The following EGFLAM variants were observed in gnomAD, a reference collection of about 807,000 sequenced individuals.
EGFLAM encodes pikachurin.
A neutral mutation model predicts 113.1 loss-of-function variants in EGFLAM; 79 were observed. That is an observed-to-expected ratio of 0.70 (90% CI 0.58 to 0.84). EGFLAM has a LOEUF of 0.84. EGFLAM is among the 40% of genes least tolerant of loss of function. The probability of loss-of-function intolerance (pLI) is 0.00; values close to 1 mark genes in which losing one functional copy is unlikely to be tolerated. For synonymous variants in EGFLAM, 504 were observed against 487.6 expected, an observed-to-expected ratio of 1.03 and a Z score of -0.44; for missense variants, 1,265 against 1,291.6, an observed-to-expected ratio of 0.98 and a Z score of 0.32.
chr5:38,267,848 T>G (rs16903912), intron 1 of EGFLAM, among the ~76,000 whole-genome samples: 1,700 of 152,342 alleles, frequency 0.011, 34 homozygotes, highest in African/African-American at 0.039. Flanking sequence ...TTATCAGATA[T>G]TCACGCTAGA....
chr5:38,260,106 T>G (rs1050117582), intron 1 of EGFLAM, among the ~76,000 whole-genome samples: 1 of 152,238 alleles, frequency 6.6e-6, no homozygotes, highest in Non-Finnish European at 1.5e-5. Flanking sequence ...CAATTCATTT[T>G]GGAGATAATA....
intron 5 of EGFLAM, among the ~76,000 whole-genome samples, chr5:38,353,277 T>G (rs1267043407): frequency 6.6e-6 from 1 of 152,238 alleles, no homozygotes; most frequent in Admixed American, 6.5e-5. Flanking sequence ...ATTCCCAATC[T>G]AAGATATTTC....
At chr5:38,383,591 T>C (rs1740573810) in intron 6 of EGFLAM, among the ~76,000 whole-genome samples, 1 of 152,104 alleles carries the variant, frequency 6.6e-6, no homozygotes. Context: ...GATGCTGGGG[T>C]TTTAGCAGTA....
chr5:38,373,412 A>G lies in EGFLAM; in HGVS notation c.712+2950A>G, dbSNP rs113936675. On this transcript the variant is annotated intron_variant, in intron 6 of 21. Coordinates refer to ENST00000322350, the MANE Select transcript of EGFLAM (RefSeq NM_152403.4). ...TTTTTCAGCCCCCACCTCCCTCCCA[A>G]CCTCCCCGCTGCCTTTTGGAGTCCC... Among the ~76,000 whole-genome samples the G allele has an allele frequency of 9.5e-3, 1,442 of 151,210 alleles. 29 individuals are homozygous for G. Among genetic ancestry groups the G allele is most frequent in the African/African-American group, 0.034 (1,396 of 41,148 alleles).
intron 1 of EGFLAM, among the ~76,000 whole-genome samples, chr5:38,306,013 G>A (rs531188140): frequency 1.2e-4 from 19 of 152,302 alleles, no homozygotes; most frequent in Middle Eastern, 3.4e-3. Context: ...GAGCCAAGAG[G>A]TAGCACTTAA....
chr5:38,354,502 G>T (rs569131593), intron 5 of EGFLAM, among the ~76,000 whole-genome samples: 2 of 152,232 alleles, frequency 1.3e-5, no homozygotes, highest in African/African-American at 4.8e-5. Context: ...GTCAAGGCAG[G>T]CAGGTCACCT....
chr5:38,457,142 A>AC (rs1170814372), intron 19 of EGFLAM, among the ~76,000 whole-genome samples: 1 of 152,186 alleles, frequency 6.6e-6, no homozygotes, highest in Non-Finnish European at 1.5e-5. Flanking sequence ...CAGAGGATAC[A>AC]CCAAGTTCAA....
chr5:38,284,707 C>T lies in EGFLAM; in HGVS notation c.97+25856C>T, dbSNP rs568125402. Among the ~76,000 whole-genome samples the T allele has an allele frequency of 3.0e-4, 46 of 152,294 alleles. No homozygotes were observed. The South Asian group carries it at 4.8e-3, about 16-fold the overall frequency. On this transcript the variant is annotated intron_variant, in intron 1 of 21. Coordinates refer to ENST00000322350, the MANE Select transcript of EGFLAM (RefSeq NM_152403.4). ...AATAGCTTGATTCAATTCTCAAGCA[C>T]CAGCAAAGACTGGGTTGTTGTAATG...
intron 6 of EGFLAM, among the ~76,000 whole-genome samples, chr5:38,393,914 C>T (rs1169797522): frequency 6.6e-6 from 1 of 152,224 alleles, no homozygotes; most frequent in Non-Finnish European, 1.5e-5. Context: ...GTCACACAAA[C>T]TGTTTGAAAG....
At position 38,350,506 on chromosome 5, in the gene EGFLAM, A is replaced by G; in HGVS notation, c.297A>G (p.Glu99=). 6.2e-7 allele frequency: 1 copy of G among 1,613,760 alleles called. No homozygotes were observed. The part of the protein sequence containing the change: ...PLSRDIPTTE[E]VIGDLKPGTE... ...TCTTGTTTGGTCATTGACAGGAGGA[A>G]GTGATTGGAGATTTGAAACCAGGCA... The change falls in exon 4 of 22, where the codon GAA becomes GAG. Residue 99 remains glutamate (E), a synonymous_variant. Coordinates refer to ENST00000322350, the MANE Select transcript of EGFLAM (RefSeq NM_152403.4).
chr5:38,441,620 A>ACG (rs1742536765), intron 17 of EGFLAM, among the ~76,000 whole-genome samples: 1 of 151,954 alleles, frequency 6.6e-6, no homozygotes, highest in Admixed American at 6.6e-5. Context: ...ACACACACAC[A>ACG]CACGCATTCA....
rs528698425 is a variant in EGFLAM, at chr5:38,346,772, G to A, written c.292-3729G>A. Among the ~76,000 whole-genome samples the A allele has an allele frequency of 1.4e-4, 21 of 152,318 alleles. No homozygotes were observed. In the East Asian group the frequency reaches 2.1e-3, roughly 15 times the overall value. On this transcript the variant is annotated intron_variant, in intron 3 of 21. Transcript: ENST00000322350. ...AAAGCCTGGAGTGTTAGTCGGGAGA[G>A]GAGTGAGAACAGAGGGTTGGATCCA...
chr5:38,376,868 A>G (rs1740377837), intron 6 of EGFLAM, among the ~76,000 whole-genome samples: 1 of 152,060 alleles, frequency 6.6e-6, no homozygotes, highest in Non-Finnish European at 1.5e-5. Flanking sequence ...ACAAGGTTTC[A>G]CCATGTTGCC....
At chr5:38,301,975 C>A (rs763105794) in intron 1 of EGFLAM, among the ~76,000 whole-genome samples, 4 of 152,116 alleles carry the variant, frequency 2.6e-5, no homozygotes, top group South Asian at 4.1e-4. Context: ...GGCGGTGGCT[C>A]ACACCTGTAA....
intron 1 of EGFLAM, among the ~76,000 whole-genome samples, chr5:38,261,930 C>T (rs1757509671): frequency 6.6e-6 from 1 of 152,162 alleles, no homozygotes; most frequent in Non-Finnish European, 1.5e-5. Context: ...AAAAAGGGGC[C>T]TCTGAAGAAT....
intron 12 of EGFLAM, among the ~76,000 whole-genome samples, chr5:38,421,461 C>T (rs189940608): frequency 1.5e-4 from 23 of 152,320 alleles, no homozygotes; most frequent in African/African-American, 4.3e-4. Flanking sequence ...AGGGGGTCTG[C>T]GGTGACCATG....
chr5:38,360,316 C>T (rs144214412), intron 5 of EGFLAM, among the ~76,000 whole-genome samples: 1,754 of 152,310 alleles, frequency 0.012, 18 homozygotes, highest in Middle Eastern at 0.027. Context: ...AGTATCATCT[C>T]TTGAGGTTTA....
chr5:38,417,367 A>AAAC (rs1245715650), intron 11 of EGFLAM, among the ~76,000 whole-genome samples: 1 of 149,660 alleles, frequency 6.7e-6, no homozygotes, highest in African/African-American at 2.5e-5. Context: ...AAAAAAAAAA[A>AAAC]AACAAAAAAA....
intron 6 of EGFLAM, among the ~76,000 whole-genome samples, chr5:38,372,614 T>C (rs1368077688): frequency 6.6e-6 from 1 of 152,218 alleles, no homozygotes; most frequent in African/African-American, 2.4e-5. Context: ...TGGCCTGTTA[T>C]GTGAAGTAAA....
Sources: gnomAD v4.1 joint callset for allele counts (sites outside exome capture counted in the v4.1 genomes callset) on GRCh38, gnomAD v4.1.1 for gene constraint, MANE v1.5 for transcripts, NCBI Gene and HGNC (gene_info 2026-07-23, HGNC 2026-07-21) for gene names.